The following SRCIN1 variants were observed in gnomAD, a reference collection of about 807,000 sequenced individuals.
SRCIN1 encodes SRC kinase signaling inhibitor 1, also known as P130Cas-associated protein.
A neutral mutation model predicts 116.2 loss-of-function variants in SRCIN1; 50 were observed. That is an observed-to-expected ratio of 0.43 (90% CI 0.34 to 0.54). The LOEUF (loss-of-function observed/expected upper bound fraction) is 0.54, where lower values mean the gene tolerates loss of function less well. SRCIN1 is among the 20% of genes least tolerant of loss of function. SRCIN1 has a pLI of 0.02. For missense variants in SRCIN1, 1,446 were observed against 1,672.0 expected, an observed-to-expected ratio of 0.86 and a Z score of 2.36; for synonymous variants, 736 against 750.0, an observed-to-expected ratio of 0.98 and a Z score of 0.30.
rs1432930545 is a variant in SRCIN1, at chr17:38,599,783, G to A, written c.22+5901C>T. Among the ~76,000 whole-genome samples the A allele has an allele frequency of 2.0e-5, 3 of 152,340 alleles. No homozygotes were observed. The East Asian group carries it at 5.8e-4, about 29-fold the overall frequency. ...CCCTGGGTGGCTGGGCCCAAGCCCA[G>A]TGCATGCGTGGGGCCCGAAGGGTGG... On this transcript the variant is annotated intron_variant, in intron 1 of 18. Transcript: ENST00000617146.
intron 15 of SRCIN1, 97 bp downstream of exon 15, chr17:38,551,058 T>G: frequency 1.8e-5 from 11 of 597,068 alleles, no homozygotes; most frequent in East Asian, 5.6e-5. Flanking sequence ...CCAACCACAA[T>G]GATCTTGAGA....
At chr17:38,541,278 A>C (rs527753300) in intron 18 of SRCIN1, 1 of 148,806 alleles carries the variant, frequency 6.7e-6, no homozygotes, top group Non-Finnish European at 1.5e-5. Flanking sequence ...AAATAAAATA[A>C]AATTTCCACT....
In SRCIN1 at chr17:38,552,136, G is replaced by T; in HGVS notation, c.2481-4C>A. The T allele has an allele frequency of 1.2e-6, 2 of 1,607,016 alleles. No homozygotes were observed. The highest frequency in any genetic ancestry group is 8.5e-7 in the Non-Finnish European group (1 of 1,175,532). On this transcript the variant is annotated splice_polypyrimidine_tract_variant and splice_region_variant and intron_variant, in intron 13 of 18. Coordinates refer to ENST00000617146, the MANE Select transcript of SRCIN1 (RefSeq NM_025248.3). The surrounding 1 kb of genome is among the most constrained non-coding windows in gnomAD (Gnocchi z 5.3). ...CCACACACCCTCATCCACTTGCCTG[G>T]GGTTGGGAGAGTTGGGAGCAGCTGT... is the stretch of plus-strand genomic sequence containing the variant.
Position 38,563,045 on chromosome 17 carries a change from C to T in SRCIN1, c.741-125G>A. On this transcript the variant is annotated intron_variant, in intron 5 of 18. Coordinates refer to ENST00000617146, the MANE Select transcript of SRCIN1 (RefSeq NM_025248.3). This position sits in a 1 kb window ranked among gnomAD's most constrained non-coding sequence, Gnocchi z 5.8. Reference sequence around the variant, plus strand: ...GCACCGGGAGCCCCATCTCAGGCTGCCTGCACACACGCCCAGCAGCCTCCA... The same window carrying T: ...GCACCGGGAGCCCCATCTCAGGCTGTCTGCACACACGCCCAGCAGCCTCCA... 1 of 856,310 alleles carries T rather than the reference C, an allele frequency of 1.2e-6. No individual in the cohort carries two copies. Among genetic ancestry groups the T allele is most frequent in the Non-Finnish European group, 1.9e-6 (1 of 540,334 alleles). 53.0% of individuals were successfully genotyped at this position (856,310 alleles called of 1,614,324 possible).
intron 1 of SRCIN1, among the ~76,000 whole-genome samples, chr17:38,579,270 C>T (rs1191838989): frequency 6.6e-6 from 1 of 152,210 alleles, no homozygotes; most frequent in Non-Finnish European, 1.5e-5. Context: ...GGGCGGGGAG[C>T]CCTGCCTCCT....
At chr17:38,535,249 T>C (rs1422816449) in intron 18 of SRCIN1, among the ~76,000 whole-genome samples, 1 of 150,880 alleles carries the variant, frequency 6.6e-6, no homozygotes, top group Admixed American at 6.6e-5. Flanking sequence ...GCTCTTGTTG[T>C]CCAGGCTGGA....
Position 38,552,506 on chromosome 17 carries a change from G to C in SRCIN1, c.2421C>G (p.Arg807=). The C allele has an allele frequency of 1.9e-6, 3 of 1,604,594 alleles. No homozygotes were observed. In the South Asian group the frequency reaches 3.4e-5, roughly 18 times the overall value. The change falls in exon 13 of 19, where the codon CGC becomes CGG. Residue 807 remains arginine (R), a synonymous_variant. Transcript: ENST00000617146. This position sits in a 1 kb window ranked among gnomAD's most constrained non-coding sequence, Gnocchi z 5.3. ...GGCAGCGCTTGAGGAGCCCATCCAG[G>C]CGCTGGGGCTCCTCCTTCAGGAACT... is the stretch of plus-strand genomic sequence containing the variant. ...AVKFLKEEPQ[R]LDGLLKRCRG...
In SRCIN1 at chr17:38,531,592, G is replaced by T. The variant is rs1229380614; in HGVS notation, c.*1705C>A. 7.1e-6 allele frequency: 1 copy of T among 141,120 alleles called. No homozygotes were observed. Among genetic ancestry groups the T allele is most frequent in the African/African-American group, 2.6e-5 (1 of 38,208 alleles). 8.7% of individuals were successfully genotyped at this position (141,120 alleles called of 1,614,324 possible). A position where few individuals can be genotyped will look rare whatever the true frequency, so the allele number is the denominator to read the frequency against. ...TTTCCAGGGTTTTTTTTTTTTTCCA[G>T]GAGGGATTTTTTTTTTCCTCTTTTG... On this transcript the variant is annotated 3_prime_UTR_variant, in exon 19 of 19. Transcript: ENST00000617146.
intron 1 of SRCIN1, 104 bp from the exon 2 acceptor site, chr17:38,578,895 GGA>G: frequency 7.6e-7 from 1 of 1,318,718 alleles, no homozygotes; most frequent in Non-Finnish European, 1.0e-6. Flanking sequence ...CTGGGCCTAA[GGA>G]GAGTGGAGAG....
In SRCIN1 at chr17:38,587,832, C is replaced by T. The variant is rs151189098; in HGVS notation, c.23-9041G>A. Among the ~76,000 whole-genome samples, 217 of 152,220 alleles carry T rather than the reference C, an allele frequency of 1.4e-3. 1 individual carries two copies. Among genetic ancestry groups the T allele is most frequent in the African/African-American group, 5.0e-3 (209 of 41,528 alleles). On this transcript the variant is annotated intron_variant, in intron 1 of 18. Coordinates refer to ENST00000617146, the MANE Select transcript of SRCIN1 (RefSeq NM_025248.3). ...GAAATCAGGGTCCCCGCAGGGCATC[C>T]GAACTGCACATTCAGACAAGACTCC...
rs1267440584 is a variant in SRCIN1, at chr17:38,602,058, T to C, written c.22+3626A>G. Reference sequence around the variant, plus strand: ...ACTGAGGGCATCCAGGGGAGTGCTCTGGAGCCCAGGTATCGGGTAGAGGAA... The same window carrying C: ...ACTGAGGGCATCCAGGGGAGTGCTCCGGAGCCCAGGTATCGGGTAGAGGAA... On this transcript the variant is annotated intron_variant, in intron 1 of 18. Transcript: ENST00000617146. The surrounding 1 kb of genome is among the most constrained non-coding windows in gnomAD (Gnocchi z 4.2). Among the ~76,000 whole-genome samples the C allele has an allele frequency of 1.3e-5, 2 of 152,068 alleles. No individual in the cohort carries two copies. Among genetic ancestry groups the C allele is most frequent in the Non-Finnish European group, 2.9e-5 (2 of 67,994 alleles).
At position 38,562,247 on chromosome 17, in the gene SRCIN1, C is replaced by A. The variant is rs906624498; in HGVS notation, c.916G>T (p.Gly306Cys). The A allele has an allele frequency of 3.4e-6, 5 of 1,462,878 alleles. No homozygotes were observed. In the South Asian group the frequency reaches 4.0e-5, roughly 12 times the overall value. 90.6% of individuals were successfully genotyped at this position (1,462,878 alleles called of 1,614,324 possible). The change falls in exon 7 of 19, where the codon GGC becomes TGC. Residue 306 changes from glycine to cysteine, a missense_variant. Physicochemically the swap from Gly to Cys is radical, Grantham distance 159. Around this residue, in one of 5 missense-constraint regions of SRCIN1, gnomAD observed 239 missense variants for 317.7 expected, o/e 0.75. Coordinates refer to ENST00000617146, the MANE Select transcript of SRCIN1 (RefSeq NM_025248.3). This position sits in a 1 kb window ranked among gnomAD's most constrained non-coding sequence, Gnocchi z 4.2. The stretch of plus-strand genomic sequence containing the variant: ...GACGGCAGCCCGGGCGGCGGCGAGC[C>A]GGATGCCAGGTGCGGCGCTGGTGAC... ...NLSPAPHLAS[G>C]SPPPGLPSGL... is the part of the protein sequence containing the mutation.
rs932802522 is a variant in SRCIN1, at chr17:38,563,027, G to A, written c.741-107C>T. 4.2e-5 allele frequency: 41 copies of A among 979,300 alleles called. No individual in the cohort carries two copies. The highest frequency in any genetic ancestry group is 3.9e-4 in the Admixed American group (18 of 46,696). 60.7% of individuals were successfully genotyped at this position (979,300 alleles called of 1,614,324 possible). ...GAAGAGGGGTGGCCAGAGGCACCGG[G>A]AGCCCCATCTCAGGCTGCCTGCACA... is the stretch of plus-strand genomic sequence containing the variant. On this transcript the variant is annotated intron_variant, in intron 5 of 18. Coordinates refer to ENST00000617146, the MANE Select transcript of SRCIN1 (RefSeq NM_025248.3). This position sits in a 1 kb window ranked among gnomAD's most constrained non-coding sequence, Gnocchi z 5.8.
intron 1 of SRCIN1, among the ~76,000 whole-genome samples, chr17:38,584,529 GC>G (rs36036945): frequency 6.6e-6 from 1 of 152,028 alleles, no homozygotes; most frequent in Non-Finnish European, 1.5e-5. Context: ...AGTGGCGGGC[GC>G]CCCCCAGTGG....
rs746221838 is a variant in SRCIN1, at chr17:38,577,440, T to G, written c.324+1050A>C. On this transcript the variant is annotated intron_variant, in intron 2 of 18. Transcript: ENST00000617146. ...AGGTGGCACTAGAGGGCAGATAAGG[T>G]AGCAGAAATGTGCCAATGTGTCTTG... Among the ~76,000 whole-genome samples, 64 of 152,282 alleles carry G rather than the reference T, an allele frequency of 4.2e-4. 1 individual carries two copies. The highest frequency in any genetic ancestry group is 1.6e-3 in the Admixed American group (25 of 15,308).
In SRCIN1 at chr17:38,549,043, G is replaced by T. The variant is rs1473428705; in HGVS notation, c.3117+13C>A. On this transcript the variant is annotated intron_variant, in intron 16 of 18. Coordinates refer to ENST00000617146, the MANE Select transcript of SRCIN1 (RefSeq NM_025248.3). Reference sequence around the variant, plus strand: ...TCAGTCCCCTGGCCCTCTGTCTGAGGTGGGAGTGGTACCTTGATGAAGGCC... The same window carrying T: ...TCAGTCCCCTGGCCCTCTGTCTGAGTTGGGAGTGGTACCTTGATGAAGGCC... The T allele has an allele frequency of 6.2e-7, 1 of 1,613,126 alleles. No homozygotes were observed. Among genetic ancestry groups the T allele is most frequent in the Non-Finnish European group, 8.5e-7 (1 of 1,179,662 alleles).
Position 38,552,229 on chromosome 17 carries a change from CT to C in SRCIN1, c.2481-98del. ...AGGGAGGTGGGGTGGGAGGCAGGCT[CT>C]GGGATGCTGTGGGAGGGCCTGGGGA... On this transcript the variant is annotated intron_variant, in intron 13 of 18. Transcript: ENST00000617146. This position sits in a 1 kb window ranked among gnomAD's most constrained non-coding sequence, Gnocchi z 5.3. 1 of 1,523,908 alleles carries C rather than the reference CT, an allele frequency of 6.6e-7. No individual in the cohort carries two copies. The highest frequency in any genetic ancestry group is 8.8e-7 in the Non-Finnish European group (1 of 1,131,004). The allele number at this position is 1,523,908 out of a possible 1,614,324, so 94.4% of individuals were successfully genotyped here.
Position 38,563,025 on chromosome 17 carries a change from G to A in SRCIN1, c.741-105C>T, listed in dbSNP as rs1371516263. The A allele has an allele frequency of 3.0e-6, 3 of 994,178 alleles. No individual in the cohort carries two copies. Among genetic ancestry groups the A allele is most frequent in the African/African-American group, 3.2e-5 (2 of 61,944 alleles). 61.6% of individuals were successfully genotyped at this position (994,178 alleles called of 1,614,324 possible). ...GAGAAGAGGGGTGGCCAGAGGCACC[G>A]GGAGCCCCATCTCAGGCTGCCTGCA... On this transcript the variant is annotated intron_variant, in intron 5 of 18. Transcript: ENST00000617146. This position sits in a 1 kb window ranked among gnomAD's most constrained non-coding sequence, Gnocchi z 5.8.
Position 38,551,564 on chromosome 17 carries a change from G to A in SRCIN1, c.2728-175C>T, listed in dbSNP as rs1905411858. On this transcript the variant is annotated intron_variant, in intron 14 of 18. Transcript: ENST00000617146. ...CGTGGGTATCACATGGCATCCCCAT[G>A]GGTAGGAATGCCACCCTCATTATAT... is the stretch of plus-strand genomic sequence containing the variant. The A allele has an allele frequency of 7.7e-6, 5 of 650,676 alleles. No individual in the cohort carries two copies. The East Asian group carries it at 1.1e-4, about 14-fold the overall frequency. 40.3% of individuals were successfully genotyped at this position (650,676 alleles called of 1,614,324 possible).
Sources: allele counts gnomAD v4.1 joint callset (sites outside exome capture counted in the v4.1 genomes callset), GRCh38; gene constraint gnomAD v4.1.1; regional missense constraint gnomAD v4.1.1; non-coding constraint Gnocchi (gnomAD v3.1); transcripts MANE v1.5; gene names NCBI Gene and HGNC (gene_info 2026-07-23, HGNC 2026-07-21).